GRIN2A: variants seen among roughly 807,000 people sequenced by gnomAD.
GRIN2A encodes the protein glutamate receptor ionotropic, NMDA 2A.
Under a neutral mutation model 113.4 loss-of-function variants are expected in GRIN2A, and 22 were observed. That is an observed-to-expected ratio of 0.19 (90% CI 0.14 to 0.28). The LOEUF (loss-of-function observed/expected upper bound fraction) is 0.28. Ranked by LOEUF, GRIN2A falls within the 10% of genes least tolerant of loss-of-function variation. The pLI is 1.00. For missense variants in GRIN2A, 1,502 were observed against 1,887.0 expected, an observed-to-expected ratio of 0.80 and a Z score of 3.78; for synonymous variants, 827 against 738.4, an observed-to-expected ratio of 1.12 and a Z score of -1.94.
At chr16:9,815,302 T>G (rs576778151) in intron 10 of GRIN2A, among the ~76,000 whole-genome samples, 29 of 150,116 alleles carry the variant, frequency 1.9e-4, no homozygotes, top group Non-Finnish European at 3.4e-4. Context: ...ATGTAATAGC[T>G]AGAATATAAA....
chr16:9,774,845 TG>T (rs1567287258), intron 11 of GRIN2A, among the ~76,000 whole-genome samples: 2 of 152,144 alleles, frequency 1.3e-5, no homozygotes, highest in Non-Finnish European at 2.9e-5. Flanking sequence ...TCAGGGAAGC[TG>T]GGGGGTGGGA....
intron 3 of GRIN2A, among the ~76,000 whole-genome samples, chr16:9,913,354 C>A (rs924105499): frequency 6.6e-6 from 1 of 152,184 alleles, no homozygotes; most frequent in African/African-American, 2.4e-5. Context: ...CACTCTTTTT[C>A]TCCAGACAGG....
intron 2 of GRIN2A, among the ~76,000 whole-genome samples, chr16:9,943,987 C>T (rs955894287): frequency 7.9e-5 from 12 of 152,292 alleles, no homozygotes; most frequent in African/African-American, 2.9e-4. Context: ...ATGTCTGACA[C>T]ACACTAGGGG....
intron 2 of GRIN2A, among the ~76,000 whole-genome samples, chr16:10,073,475 C>A (rs1312288430): frequency 1.3e-5 from 2 of 152,114 alleles, no homozygotes; most frequent in East Asian, 3.9e-4. Context: ...TCAATGGAAT[C>A]ACTTCTTCCC....
chr16:9,956,787 C>T (rs1035208447), intron 2 of GRIN2A, among the ~76,000 whole-genome samples: 34 of 152,154 alleles, frequency 2.2e-4, no homozygotes, highest in African/African-American at 8.0e-4. Context: ...CTTCTCCAAA[C>T]AGGAGATGCT....
intron 2 of GRIN2A, among the ~76,000 whole-genome samples, chr16:10,077,657 T>G (rs969152244): frequency 6.6e-6 from 1 of 152,206 alleles, no homozygotes; most frequent in Non-Finnish European, 1.5e-5. Context: ...CCTTTAGAGT[T>G]TGGCCTCCGG....
intron 2 of GRIN2A, among the ~76,000 whole-genome samples, chr16:9,945,383 G>A (rs1290061690): frequency 2.6e-5 from 4 of 152,010 alleles, no homozygotes; most frequent in Non-Finnish European, 2.9e-5. Flanking sequence ...CAAGGTAAGC[G>A]AGGGTTCGTC....
chr16:9,902,959 T>TTGGG (rs1491446907), intron 3 of GRIN2A, among the ~76,000 whole-genome samples: 2 of 24,828 alleles, frequency 8.1e-5, no homozygotes, highest in Non-Finnish European at 1.3e-4. Context: ...TTTTTTTTTT[T>TTGGG]GGCGGGGGGG....
At chr16:10,096,221 G>A (rs1449111627) in intron 2 of GRIN2A, among the ~76,000 whole-genome samples, 1 of 152,046 alleles carries the variant, frequency 6.6e-6, no homozygotes, top group Non-Finnish European at 1.5e-5. Context: ...GTGCCTCCTA[G>A]GTTGACAGCC....
intron 3 of GRIN2A, among the ~76,000 whole-genome samples, chr16:9,909,704 A>G (rs1163314911): frequency 5.9e-5 from 9 of 152,340 alleles, no homozygotes; most frequent in Admixed American, 4.6e-4. Flanking sequence ...TGGTACACAG[A>G]TGCATTTAGA....
chr16:9,804,415 T>TAAGC (rs1452368235), intron 10 of GRIN2A, among the ~76,000 whole-genome samples: 1 of 151,962 alleles, frequency 6.6e-6, no homozygotes, highest in Non-Finnish European at 1.5e-5. Context: ...GGGAACCCAT[T>TAAGC]TACTCTTCTC....
rs2042801307 is a variant in GRIN2A at position 9,847,751 on chromosome 16, T to C, written c.1328+2005A>G. ...TAACACATAAAAATATATAATGTTT[T>C]ATACATTTTTAACATATAAAAACAT... is the stretch of plus-strand genomic sequence containing the variant. On this transcript the variant is annotated intron_variant, in intron 5 of 12. Transcript: ENST00000330684. Among the ~76,000 whole-genome samples, 7 of 149,124 alleles carry C rather than the reference T, an allele frequency of 4.7e-5. No homozygotes were observed. The South Asian group carries it at 1.5e-3, about 31-fold the overall frequency.
intron 2 of GRIN2A, among the ~76,000 whole-genome samples, chr16:10,173,628 T>C (rs1270199333): frequency 6.6e-6 from 1 of 152,156 alleles, no homozygotes; most frequent in Non-Finnish European, 1.5e-5. Context: ...ACATTTACCG[T>C]GTAACAAACG....
chr16:9,794,021 G>C (rs188279817), intron 11 of GRIN2A, among the ~76,000 whole-genome samples: 37 of 152,332 alleles, frequency 2.4e-4, no homozygotes, highest in Admixed American at 1.4e-3. Context: ...CTGTTTCTCA[G>C]TAAATGTTGG....
At chr16:10,051,020 A>G (rs1166151006) in intron 2 of GRIN2A, among the ~76,000 whole-genome samples, 1 of 152,222 alleles carries the variant, frequency 6.6e-6, no homozygotes, top group African/African-American at 2.4e-5. Context: ...GATGAAGCTA[A>G]GACTCGAGAG....
intron 10 of GRIN2A, among the ~76,000 whole-genome samples, chr16:9,819,921 C>CA (rs71157787): frequency 0.014 from 871 of 63,672 alleles, 89 homozygotes; most frequent in East Asian, 0.016. Flanking sequence ...AACTCCGTCT[C>CA]AAAAAAAAAA....
At chr16:9,909,203 G>C (rs1241694246) in intron 3 of GRIN2A, among the ~76,000 whole-genome samples, 1 of 152,124 alleles carries the variant, frequency 6.6e-6, no homozygotes, top group Non-Finnish European at 1.5e-5. Context: ...AAAACCATCA[G>C]ATCTCATGAG....
chr16:9,777,705 G>A (rs548857786), intron 11 of GRIN2A, among the ~76,000 whole-genome samples: 1 of 152,300 alleles, frequency 6.6e-6, no homozygotes, highest in East Asian at 1.9e-4. Context: ...CACAGGCCAC[G>A]TGATTAGTCG....
intron 10 of GRIN2A, among the ~76,000 whole-genome samples, chr16:9,820,277 C>T (rs2042257580): frequency 6.6e-6 from 1 of 152,198 alleles, no homozygotes; most frequent in African/African-American, 2.4e-5. Context: ...CATTTGTGCG[C>T]ATGGTCTGTC....
Sources: gnomAD v4.1 joint callset for allele counts (sites outside exome capture counted in the v4.1 genomes callset) on GRCh38, gnomAD v4.1.1 for gene constraint, MANE v1.5 for transcripts, NCBI Gene and HGNC (gene_info 2026-07-23, HGNC 2026-07-21) for gene names.